The following EHBP1 variants were observed in gnomAD, a reference collection of about 807,000 sequenced individuals.
The protein encoded by EHBP1 is EH domain-binding protein 1.
A neutral mutation model predicts 144.0 loss-of-function variants in EHBP1; 55 were observed. The observed-to-expected ratio is 0.38, with a 90% CI of 0.31 to 0.48. The LOEUF (loss-of-function observed/expected upper bound fraction) is 0.48, where lower values mean the gene tolerates loss of function less well. EHBP1 is among the 20% of genes least tolerant of loss of function. EHBP1 has a pLI of 0.98. For synonymous variants in EHBP1, 469 were observed against 472.7 expected, an observed-to-expected ratio of 0.99 and a Z score of 0.10; for missense variants, 1,200 against 1,364.2, an observed-to-expected ratio of 0.88 and a Z score of 1.90.
chr2:62,880,625 A>G (rs922888811), intron 10 of EHBP1, among the ~76,000 whole-genome samples: 1 of 152,186 alleles, frequency 6.6e-6, no homozygotes. Context: ...GAATACATAC[A>G]TGTGGCCATC....
At chr2:62,759,417 T>A (rs2040575215) in intron 3 of EHBP1, among the ~76,000 whole-genome samples, 1 of 152,108 alleles carries the variant, frequency 6.6e-6, no homozygotes, top group African/African-American at 2.4e-5. Context: ...TTTTCTTTTG[T>A]TTTTTTGAGA....
Position 62,750,895 on chromosome 2 carries a change from G to A in EHBP1, c.162+3443G>A, listed in dbSNP as rs148093746. Among the ~76,000 whole-genome samples the A allele has an allele frequency of 2.6e-4, 39 of 152,282 alleles. No homozygotes were observed. The East Asian group carries it at 6.7e-3, about 26-fold the overall frequency. On this transcript the variant is annotated intron_variant, in intron 3 of 22. Transcript: ENST00000431489. ...AAGGAGATTTTGGGCTGAGACAAATGGGGTTTTCTAAATATACAATCATGT... is the reference window on the plus strand; with the variant it reads ...AAGGAGATTTTGGGCTGAGACAAATAGGGTTTTCTAAATATACAATCATGT...
intron 7 of EHBP1, among the ~76,000 whole-genome samples, chr2:62,836,870 A>T (rs1205978189): frequency 3.3e-5 from 5 of 151,552 alleles, no homozygotes; most frequent in African/African-American, 7.3e-5. Flanking sequence ...TGATTGGTGT[A>T]CCTGAAAGTG....
intron 3 of EHBP1, among the ~76,000 whole-genome samples, chr2:62,760,721 A>G (rs2040700497): frequency 2.6e-5 from 4 of 152,218 alleles, no homozygotes; most frequent in Admixed American, 2.0e-4. Flanking sequence ...CTTGACTACC[A>G]TGCAAATCAG....
At chr2:62,839,778 A>C (rs909925953) in intron 7 of EHBP1, among the ~76,000 whole-genome samples, 15 of 152,314 alleles carry the variant, frequency 9.8e-5, no homozygotes, top group African/African-American at 3.1e-4. Flanking sequence ...ATCCAACTTA[A>C]AAGGGATGTG....
chr2:62,748,342 A>G (rs1348991227), intron 3 of EHBP1, among the ~76,000 whole-genome samples: 5 of 152,056 alleles, frequency 3.3e-5, no homozygotes, highest in African/African-American at 1.2e-4. Context: ...ATTCAATAAC[A>G]GTTCTACAGA....
intron 5 of EHBP1, among the ~76,000 whole-genome samples, chr2:62,820,225 G>GAAAAA (rs372533264): frequency 2.0e-5 from 2 of 100,638 alleles, no homozygotes; most frequent in African/African-American, 7.7e-5. Flanking sequence ...AAAAAAAAAA[G>GAAAAA]AAAAAAAAAA....
chr2:62,839,751 G>A (rs1321459475), intron 7 of EHBP1, among the ~76,000 whole-genome samples: 1 of 152,108 alleles, frequency 6.6e-6, no homozygotes, highest in Non-Finnish European at 1.5e-5. Context: ...GCTTCAAAGA[G>A]AATAAAATAC....
chr2:62,729,753 G>T (rs1279167229), intron 2 of EHBP1, among the ~76,000 whole-genome samples: 1 of 151,038 alleles, frequency 6.6e-6, no homozygotes, highest in Non-Finnish European at 1.5e-5. Flanking sequence ...CACATATGTG[G>T]TCTTGTTAGA....
chr2:62,811,823 T>G (rs760520129), intron 5 of EHBP1, among the ~76,000 whole-genome samples: 1 of 152,200 alleles, frequency 6.6e-6, no homozygotes, highest in Non-Finnish European at 1.5e-5. Flanking sequence ...TCTTTACATT[T>G]TGAAATAATT....
At chr2:62,826,300 C>A in intron 6 of EHBP1, 32 bp downstream of exon 6, 1 of 1,550,182 alleles carries the variant, frequency 6.5e-7, no homozygotes, top group Non-Finnish European at 8.7e-7. Flanking sequence ...AGCTTCCTTA[C>A]ATTGTGTTTC....
At chr2:62,784,243 A>G (rs758228350) in intron 5 of EHBP1, among the ~76,000 whole-genome samples, 4 of 152,180 alleles carry the variant, frequency 2.6e-5, no homozygotes, top group Non-Finnish European at 4.4e-5. Context: ...CTCTTTTGAT[A>G]TTTTCCAAAA....
chr2:62,913,371 C>G (rs901934663), intron 10 of EHBP1, among the ~76,000 whole-genome samples: 12 of 152,108 alleles, frequency 7.9e-5, no homozygotes, highest in African/African-American at 2.9e-4. Context: ...TGATTTTTCA[C>G]TGAGGACAAC....
At chr2:62,896,342 G>A (rs1425718847) in intron 10 of EHBP1, among the ~76,000 whole-genome samples, 4 of 152,194 alleles carry the variant, frequency 2.6e-5, no homozygotes, top group African/African-American at 7.2e-5. Context: ...GTCAGAGAAC[G>A]TAGGCACTGC....
Position 62,859,142 on chromosome 2 carries a change from G to A in EHBP1, c.635-27G>A, listed in dbSNP as rs781697006. On this transcript the variant is annotated intron_variant, in intron 7 of 22. Transcript: ENST00000431489. The stretch of plus-strand genomic sequence containing the variant: ...CAATACTTACACTTAACCATAATAG[G>A]GAACTAACCCATATGTTTATTTTCA... 5 of 1,577,650 alleles carry A rather than the reference G, an allele frequency of 3.2e-6. No individual in the cohort carries two copies. The South Asian group carries it at 4.7e-5, about 15-fold the overall frequency.
At chr2:62,741,064 A>T (rs573427596) in intron 2 of EHBP1, among the ~76,000 whole-genome samples, 1 of 152,274 alleles carries the variant, frequency 6.6e-6, no homozygotes, top group East Asian at 1.9e-4. Context: ...TTCCAGGTCA[A>T]CTGGCCTTCT....
intron 10 of EHBP1, among the ~76,000 whole-genome samples, chr2:62,881,418 G>GAAAAAAAAAAAAAAAA: frequency 1.4e-5 from 1 of 69,770 alleles, no homozygotes; most frequent in Non-Finnish European, 2.7e-5. Context: ...AGGAAAAACG[G>GAAAAAAAAAAAAAAAA]AAAAAAAAAA....
At chr2:62,747,771 C>T (rs2039297030) in intron 3 of EHBP1, among the ~76,000 whole-genome samples, 2 of 151,690 alleles carry the variant, frequency 1.3e-5, no homozygotes, top group Non-Finnish European at 2.9e-5. Context: ...ACTGCAGTTA[C>T]TTTTGCACCA....
intron 5 of EHBP1, among the ~76,000 whole-genome samples, chr2:62,800,020 G>A (rs2043859514): frequency 6.6e-6 from 1 of 152,166 alleles, no homozygotes; most frequent in South Asian, 2.1e-4. Context: ...TCACCTAAAG[G>A]TGAAAACGTG....
Sources: gnomAD v4.1 joint callset for allele counts (sites outside exome capture counted in the v4.1 genomes callset) on GRCh38, gnomAD v4.1.1 for gene constraint, MANE v1.5 for transcripts, NCBI Gene and HGNC (gene_info 2026-07-23, HGNC 2026-07-21) for gene names.